Variants in PEX5 observed in about 807,000 individuals in gnomAD.
PEX5 encodes peroxisomal biogenesis factor 5.
In PEX5, 52 loss-of-function variants were observed where a neutral mutation model predicts 82.9. That is an observed-to-expected ratio of 0.63 (90% CI 0.50 to 0.79). The LOEUF is 0.79. Ranked by LOEUF, PEX5 falls within the 30% of genes least tolerant of loss-of-function variation. PEX5 has a pLI of 0.00. For synonymous variants in PEX5, 300 were observed against 318.8 expected (o/e 0.94, Z 0.63); for missense variants, 719 against 815.2 (o/e 0.88, Z 1.44).
Position 7,199,032 on chromosome 12 carries a change from C to T in PEX5, c.470C>T (p.Ala157Val), listed in dbSNP as rs764051521. The change falls in exon 6 of 16, where the codon GCC becomes GTC. Residue 157 changes from alanine to valine, a missense_variant. Coordinates refer to ENST00000675855, the MANE Select transcript of PEX5 (RefSeq NM_001351132.2). Reference protein sequence around the residue: ...EVTDPLSVSPARWAEEYLEQS... With the variant: ...EVTDPLSVSPVRWAEEYLEQS... ...GCAGACCCCTTGTCTGTGTCCCCTGCCCGCTGGGCTGAGGAATATTTGGAG... is the reference window on the plus strand; with the variant it reads ...GCAGACCCCTTGTCTGTGTCCCCTGTCCGCTGGGCTGAGGAATATTTGGAG... 5.6e-6 allele frequency: 9 copies of T among 1,605,538 alleles called. No homozygotes were observed. In the South Asian group the frequency reaches 8.9e-5, roughly 16 times the overall value.
At chr12:7,202,558 T>A in intron 8 of PEX5, 54 bp from the exon 9 acceptor site, 1 of 1,506,886 alleles carries the variant, frequency 6.6e-7, no homozygotes, top group Non-Finnish European at 9.2e-7. Flanking sequence ...TTAGTGTGCG[T>A]CTGATGGATA....
chr12:7,195,123 A>G (rs942758659), intron 5 of PEX5, among the ~76,000 whole-genome samples: 7 of 152,208 alleles, frequency 4.6e-5, no homozygotes, highest in African/African-American at 1.7e-4. Context: ...AGACACAGAA[A>G]CTTTCATGAG....
At position 7,192,109 on chromosome 12, in the gene PEX5, G is replaced by A. The variant is rs115793866; in HGVS notation, c.448+409G>A. Among the ~76,000 whole-genome samples the A allele has an allele frequency of 4.8e-3, 738 of 152,270 alleles. 7 individuals are homozygous for A. Among genetic ancestry groups the A allele is most frequent in the African/African-American group, 0.015 (638 of 41,554 alleles). On this transcript the variant is annotated intron_variant, in intron 5 of 15. Transcript: ENST00000675855. ...ATTGTGAAGTTCCAGTGCCTGAAGT[G>A]TATGGCTTTAGAAGGTAAAGACCAT...
chr12:7,199,147 A>G, intron 6 of PEX5, 34 bp downstream of exon 6: 6 of 1,213,964 alleles, frequency 4.9e-6, no homozygotes, highest in Non-Finnish European at 6.0e-6. Context: ...AATCCCGTGA[A>G]AGGAGTATGG....
intron 7 of PEX5, 109 bp downstream of exon 7, chr12:7,201,950 G>A (rs1222103335): frequency 7.3e-6 from 6 of 827,442 alleles, no homozygotes; most frequent in South Asian, 1.4e-5. Context: ...GAGATCTTAG[G>A]TCTCTTCGTT....
downstream of PEX5, among the ~76,000 whole-genome samples, chr12:7,212,028 T>G (rs1372216266): frequency 6.6e-6 from 1 of 151,312 alleles, no homozygotes; most frequent in Non-Finnish European, 1.5e-5. Flanking sequence ...TGCAATGGCG[T>G]GATCTCAGCT....
At chr12:7,190,866 C>T (rs934393664) in intron 2 of PEX5, 22 bp from the exon 3 acceptor site, 34 of 1,610,478 alleles carry the variant, frequency 2.1e-5, no homozygotes, top group Non-Finnish European at 2.9e-5. Flanking sequence ...CGTCATTGTA[C>T]ATCTCTGTCT....
chr12:7,212,626 A>ATGGT (rs1195002815), downstream of PEX5: 1 of 152,180 alleles, frequency 6.6e-6, no homozygotes, highest in Non-Finnish European at 1.5e-5. Flanking sequence ...AGTGAGAAAA[A>ATGGT]TGGTTGGTCA....
chr12:7,202,031 A>G (rs1196936395), intron 7 of PEX5, 190 bp downstream of exon 7: 1 of 789,456 alleles, frequency 1.3e-6, no homozygotes, highest in Non-Finnish European at 2.1e-6. Context: ...CTCCTTGCCT[A>G]CTAACTCTTT....
In PEX5 at chr12:7,202,282, C is replaced by T. The variant is rs1234954632; in HGVS notation, c.684C>T (p.Ser228=). Residue 228 remains serine, a synonymous_variant, in exon 8 of 16, where the codon TCC becomes TCT. Coordinates refer to ENST00000675855, the MANE Select transcript of PEX5 (RefSeq NM_001351132.2). Reference sequence around the variant, plus strand: ...GGCAGATTGGCGAAGGGCAGGTGTCCCTGGAGTCCGGTGCAGGGTCGGGCC... The same window carrying T: ...GGCAGATTGGCGAAGGGCAGGTGTCTCTGGAGTCCGGTGCAGGGTCGGGCC... ...FVRQIGEGQV[S]LESGAGSGRA... 5.0e-6 allele frequency: 8 copies of T among 1,613,926 alleles called. No individual in the cohort carries two copies. Among genetic ancestry groups the T allele is most frequent in the Non-Finnish European group, 5.9e-6 (7 of 1,180,020 alleles).
At chr12:7,200,032 A>C (rs1415586740) in intron 6 of PEX5, among the ~76,000 whole-genome samples, 1 of 42,198 alleles carries the variant, frequency 2.4e-5, no homozygotes, top group Non-Finnish European at 5.7e-5. Flanking sequence ...GCTGACCCGC[A>C]CCTCCCTCCC....
At position 7,210,323 on chromosome 12, in the gene PEX5, G is replaced by A; in HGVS notation, c.*100G>A. 9.0e-7 allele frequency: 1 copy of A among 1,112,804 alleles called. No individual in the cohort carries two copies. Among genetic ancestry groups the A allele is most frequent in the Non-Finnish European group, 1.4e-6 (1 of 737,012 alleles). The allele number at this position is 1,112,804 out of a possible 1,614,324, so 68.9% of individuals were successfully genotyped here. A position where few individuals can be genotyped will look rare whatever the true frequency, so the allele number is the denominator to read the frequency against. ...GGGCCTACCAAGGGGGCGGGCTGAT[G>A]ACCATAAGCGGTACGGCCTTTCAGG... On this transcript the variant is annotated 3_prime_UTR_variant, in exon 16 of 16. Transcript: ENST00000675855.
Position 7,203,507 on chromosome 12 carries a change from T to A in PEX5, c.922T>A (p.Trp308Arg). 1 of 1,614,046 alleles carries A rather than the reference T, an allele frequency of 6.2e-7. No individual in the cohort carries two copies. The highest frequency in any genetic ancestry group is 8.5e-7 in the Non-Finnish European group (1 of 1,179,966). The stretch of plus-strand genomic sequence containing the variant: ...AAAACGGGATGCTGAGGCCCACCCC[T>A]GGCTTTCTGACTATGATGACCTTAC... ...MAKRDAEAHPWLSDYDDLTSA... is the reference protein window; with the variant it reads ...MAKRDAEAHPRLSDYDDLTSA... Residue 308 changes from tryptophan (W) to arginine (R), a missense_variant, in exon 10 of 16, where the codon TGG becomes AGG. By Grantham distance (101) the Trp-to-Arg change is moderately radical. Transcript: ENST00000675855.
In PEX5 at chr12:7,191,551, C is replaced by T. The variant is rs1450054852; in HGVS notation, c.317-18C>T. On this transcript the variant is annotated intron_variant, in intron 4 of 15. Transcript: ENST00000675855. ...TATGTATGTATTCTTTCTTAGTTTT[C>T]TCTCTCTCTCTTTTAAGCCCCTGGT... 15 of 1,596,978 alleles carry T rather than the reference C, an allele frequency of 9.4e-6. No homozygotes were observed. The highest frequency in any genetic ancestry group is 2.7e-5 in the African/African-American group (2 of 74,566).
At chr12:7,198,314 G>C (rs1943124391) in intron 5 of PEX5, among the ~76,000 whole-genome samples, 1 of 152,168 alleles carries the variant, frequency 6.6e-6, no homozygotes, top group Non-Finnish European at 1.5e-5. Flanking sequence ...TAAACGTTCT[G>C]TATCTTGATC....
At chr12:7,213,301 G>T (rs924513213), downstream of PEX5, among the ~76,000 whole-genome samples, 5 of 152,048 alleles carry the variant, frequency 3.3e-5, no homozygotes, top group African/African-American at 1.2e-4. Context: ...AAAGCTGGAG[G>T]CATCACACTA....
At chr12:7,201,387 T>C (rs1944010131) in intron 6 of PEX5, among the ~76,000 whole-genome samples, 1 of 152,076 alleles carries the variant, frequency 6.6e-6, no homozygotes, top group Admixed American at 6.6e-5. Context: ...TTCAGACTTT[T>C]AAAATATATG....
At chr12:7,189,599 T>G (rs965220059), upstream of PEX5, 1 of 268,356 alleles carries the variant, frequency 3.7e-6, no homozygotes, top group African/African-American at 2.2e-5. Context: ...GGCCCCGCCT[T>G]TTCAGACAGC....
At chr12:7,190,092 G>T in intron 1 of PEX5, 3 of 1,491,632 alleles carry the variant, frequency 2.0e-6, no homozygotes, top group Non-Finnish European at 2.6e-6. Context: ...TGTGGAGGCA[G>T]CTGCTGGCCC....
Sources: gnomAD v4.1 joint callset for allele counts (sites outside exome capture counted in the v4.1 genomes callset) on GRCh38, gnomAD v4.1.1 for gene constraint, MANE v1.5 for transcripts, NCBI Gene and HGNC (gene_info 2026-07-23, HGNC 2026-07-21) for gene names.